Variants in FBXO17 observed in about 807,000 individuals in gnomAD.
The protein encoded by FBXO17 is F-box protein 17, also known as F-box only protein 17.
Under a neutral mutation model 34.1 loss-of-function variants are expected in FBXO17, and 43 were observed. That is an observed-to-expected ratio of 1.26 (90% confidence interval 0.99 to 1.62). The LOEUF (loss-of-function observed/expected upper bound fraction) is 1.62. FBXO17 is among the 40% of genes most tolerant of loss of function. FBXO17 has a pLI of 0.00. For synonymous variants in FBXO17, 169 were observed against 166.0 expected, an observed-to-expected ratio of 1.02 and a Z score of -0.14; for missense variants, 424 against 386.7, an observed-to-expected ratio of 1.10 and a Z score of -0.81.
chr19:38,968,319 C>A (rs113273897), intron 1 of FBXO17, among the ~76,000 whole-genome samples: 2 of 148,006 alleles, frequency 1.4e-5, no homozygotes, highest in South Asian at 2.1e-4. Context: ...ACTCTGTCTC[C>A]AAAAAAAAAA....
intron 1 of FBXO17, among the ~76,000 whole-genome samples, chr19:38,973,582 A>G (rs1349065261): frequency 6.6e-6 from 1 of 152,228 alleles, no homozygotes; most frequent in Non-Finnish European, 1.5e-5. Context: ...TATAGAAAAA[A>G]TTAAGGCAAA....
At position 38,942,468 on chromosome 19, in the gene FBXO17, C is replaced by T; in HGVS notation, c.*140G>A. On this transcript the variant is annotated 3_prime_UTR_variant, in exon 6 of 6. Coordinates refer to ENST00000292852, the MANE Select transcript of FBXO17 (RefSeq NM_024907.7). ...TTGTGGAGACGGTTTCACTATGTTGCCCAGGCTGGTCTTGAACTCCCGAGC... is the reference window on the plus strand; with the variant it reads ...TTGTGGAGACGGTTTCACTATGTTGTCCAGGCTGGTCTTGAACTCCCGAGC... 3.5e-6 allele frequency: 3 copies of T among 859,142 alleles called. No homozygotes were observed. Among genetic ancestry groups the T allele is most frequent in the Non-Finnish European group, 3.3e-6 (2 of 609,644 alleles). The allele number at this position is 859,142 out of a possible 1,614,324, so 53.2% of individuals were successfully genotyped here.
chr19:38,949,667 TC>T (rs1975041722), intron 2 of FBXO17: 2 of 502,180 alleles, frequency 4.0e-6, no homozygotes, highest in African/African-American at 2.0e-5. Flanking sequence ...GCGTTGCCAT[TC>T]CCACCGCGCC....
intron 1 of FBXO17, 74 bp from the exon 2 acceptor site, chr19:38,950,410 G>A (rs1975065830): frequency 7.2e-7 from 1 of 1,383,564 alleles, no homozygotes; most frequent in East Asian, 2.9e-5. Context: ...CCCCCAGGGC[G>A]CAAGGCCCCT....
intron 1 of FBXO17, among the ~76,000 whole-genome samples, chr19:38,961,280 A>ATTTTT (rs1256781413): frequency 1.7e-5 from 1 of 57,318 alleles, no homozygotes; most frequent in Non-Finnish European, 2.8e-5. Context: ...TTGATTTTAA[A>ATTTTT]TCTTTTTTTT....
At chr19:38,949,351 G>C (rs1285882099) in intron 2 of FBXO17, among the ~76,000 whole-genome samples, 1 of 151,752 alleles carries the variant, frequency 6.6e-6, no homozygotes, top group Admixed American at 6.6e-5. Context: ...CTGCCCCCTC[G>C]GGCCTCCCAA....
At position 38,950,454 on chromosome 19, in the gene FBXO17, A is replaced by C. The variant is rs1473559292; in HGVS notation, c.-17-118T>G. 5 of 1,273,792 alleles carry C rather than the reference A, an allele frequency of 3.9e-6. No individual in the cohort carries two copies. In the Admixed American group the frequency reaches 1.5e-4, roughly 39 times the overall value. 78.9% of individuals were successfully genotyped at this position (1,273,792 alleles called of 1,614,324 possible). A position where few individuals can be genotyped will look rare whatever the true frequency, so the allele number is the denominator to read the frequency against. On this transcript the variant is annotated intron_variant, in intron 1 of 5. Transcript: ENST00000292852. ...AGAGACCCCATTAGGTCCATGGGCAACCAGGGACCCATTTCCCTCTCTGAT... is the reference window on the plus strand; with the variant it reads ...AGAGACCCCATTAGGTCCATGGGCACCCAGGGACCCATTTCCCTCTCTGAT...
At chr19:38,974,035 T>C (rs200498434) in intron 1 of FBXO17, among the ~76,000 whole-genome samples, 1,031 of 62,914 alleles carry the variant, frequency 0.016, 7 homozygotes, top group East Asian at 0.028. Flanking sequence ...TATATATACA[T>C]ATATATATAT....
chr19:38,965,438 G>A (rs534073735), intron 1 of FBXO17, among the ~76,000 whole-genome samples: 17 of 149,864 alleles, frequency 1.1e-4, no homozygotes, highest in Admixed American at 8.0e-4. Context: ...AGTGATTCTC[G>A]TGCCTCAGCC....
chr19:38,964,450 C>T (rs547745357), intron 1 of FBXO17, among the ~76,000 whole-genome samples: 4 of 152,254 alleles, frequency 2.6e-5, no homozygotes, highest in South Asian at 2.1e-4. Context: ...ATTCTCCTGC[C>T]TCAGCCTCCC....
At position 38,950,006 on chromosome 19, in the gene FBXO17, A is replaced by G. The variant is rs778674081; in HGVS notation, c.314T>C (p.Phe105Ser). The change falls in exon 2 of 6, where the codon TTC becomes TCC. Residue 105 changes from phenylalanine to serine, a missense_variant. Phe to Ser is a radical substitution (Grantham distance 155). Transcript: ENST00000292852. ...ALARYCLRAP[F>S]GRNLIFNSCG... The stretch of plus-strand genomic sequence containing the variant: ...GGAGTTGAAGATGAGATTGCGGCCG[A>G]AGGGCGCGCGCAGACAGTAGCGCGC... 30 of 1,555,674 alleles carry G rather than the reference A, an allele frequency of 1.9e-5. No individual in the cohort carries two copies. Among genetic ancestry groups the G allele is most frequent in the Middle Eastern group, 3.3e-4 (2 of 6,028 alleles).
intron 1 of FBXO17, among the ~76,000 whole-genome samples, chr19:38,974,901 G>A (rs1975440805): frequency 6.6e-6 from 1 of 152,072 alleles, no homozygotes; most frequent in Non-Finnish European, 1.5e-5. Context: ...TCTGAGTGTC[G>A]TGTATTACTG....
chr19:38,965,280 G>A (rs1975304249), intron 1 of FBXO17, among the ~76,000 whole-genome samples: 1 of 151,854 alleles, frequency 6.6e-6, no homozygotes, highest in Non-Finnish European at 1.5e-5. Flanking sequence ...TTCACATGTG[G>A]CCCACCCTCT....
intron 1 of FBXO17, among the ~76,000 whole-genome samples, chr19:38,972,358 A>T (rs1432857410): frequency 2.6e-5 from 4 of 152,322 alleles, no homozygotes; most frequent in Admixed American, 6.5e-5. Flanking sequence ...CAGCCTGGCC[A>T]ACATGATGAA....
chr19:38,943,095 G>A (rs953310252), intron 5 of FBXO17, among the ~76,000 whole-genome samples: 37 of 152,246 alleles, frequency 2.4e-4, no homozygotes, highest in African/African-American at 7.5e-4. Flanking sequence ...CAGCAGGAAC[G>A]GCCCGCGCAA....
chr19:38,973,702 C>T (rs12978778), intron 1 of FBXO17, among the ~76,000 whole-genome samples: 48,810 of 151,684 alleles, frequency 0.32, 8,373 homozygotes, highest in South Asian at 0.49. Context: ...TTTGTTTGGG[C>T]GCCGGTGGCT....
At chr19:38,969,307 G>A (rs1437398388) in intron 1 of FBXO17, among the ~76,000 whole-genome samples, 1 of 151,772 alleles carries the variant, frequency 6.6e-6, no homozygotes, top group Non-Finnish European at 1.5e-5. Context: ...GCAGGGCATG[G>A]TGGCGTGTGT....
At chr19:38,946,234 C>G (rs1220483002) in intron 4 of FBXO17, 2 of 637,894 alleles carry the variant, frequency 3.1e-6, no homozygotes, top group Non-Finnish European at 5.2e-6. Context: ...CAGTGGCCCC[C>G]TGTGGACCAC....
At position 38,975,646 on chromosome 19, in the gene FBXO17, G is replaced by A. The variant is rs1975451868; in HGVS notation, c.-78C>T. The A allele has an allele frequency of 6.6e-6, 1 of 152,486 alleles. No homozygotes were observed. The highest frequency in any genetic ancestry group is 1.9e-4 in the East Asian group (1 of 5,160). The allele number at this position is 152,486 out of a possible 1,614,324, so 9.4% of individuals were successfully genotyped here. ...AGCTTCCCTTTCCCACTTTGTTCTGGGAGGCAGTCGAGGGGCTCCCCGTGA... is the reference window on the plus strand; with the variant it reads ...AGCTTCCCTTTCCCACTTTGTTCTGAGAGGCAGTCGAGGGGCTCCCCGTGA... On this transcript the variant is annotated 5_prime_UTR_variant, in exon 1 of 6. Coordinates refer to ENST00000292852, the MANE Select transcript of FBXO17 (RefSeq NM_024907.7). The surrounding 1 kb of genome is among the most constrained non-coding windows in gnomAD (Gnocchi z 4.9).
Sources: gnomAD v4.1 joint callset for allele counts (sites outside exome capture counted in the v4.1 genomes callset) on GRCh38, gnomAD v4.1.1 for gene constraint, Gnocchi (gnomAD v3.1) non-coding constraint, MANE v1.5 for transcripts, NCBI Gene and HGNC (gene_info 2026-07-23, HGNC 2026-07-21) for gene names.